The following METTL16 variants were observed in gnomAD, a reference collection of about 807,000 sequenced individuals.
The protein encoded by METTL16 is RNA N(6)-adenosine-methyltransferase METTL16.
In METTL16, 19 loss-of-function variants were observed where a neutral mutation model predicts 57.9. That is an observed-to-expected ratio of 0.33 (90% CI 0.23 to 0.48). METTL16 has a LOEUF of 0.48. Among genes scored for constraint, METTL16 ranks in the 20% least tolerant of loss-of-function variants. METTL16 has a pLI of 0.99. For synonymous variants in METTL16, 246 were observed against 255.6 expected, an observed-to-expected ratio of 0.96 and a Z score of 0.36; for missense variants, 434 against 691.5, an observed-to-expected ratio of 0.63 and a Z score of 4.18.
intron 6 of METTL16, among the ~76,000 whole-genome samples, chr17:2,459,195 T>C (rs566626488): frequency 2.6e-5 from 4 of 152,258 alleles, no homozygotes; most frequent in African/African-American, 9.6e-5. Context: ...CACTTGTAAA[T>C]CCTCATCAAC....
At chr17:2,491,849 T>C (rs1223589545) in intron 2 of METTL16, among the ~76,000 whole-genome samples, 1 of 121,878 alleles carries the variant, frequency 8.2e-6, no homozygotes, top group East Asian at 2.2e-4. Flanking sequence ...CACTCCAGCC[T>C]GGGCGACAGA....
At chr17:2,502,150 T>G (rs2067493508) in intron 2 of METTL16, 54 bp downstream of exon 2, 1 of 1,583,054 alleles carries the variant, frequency 6.3e-7, no homozygotes. Flanking sequence ...TTCTATTACA[T>G]CATATCCATT....
Position 2,417,058 on chromosome 17 carries a change from C to CTTTTTCTTTT in METTL16, c.*2911_*2912insAAAAGAAAAA, listed in dbSNP as rs2066722513. The CTTTTTCTTTT allele has an allele frequency of 1.6e-5, 1 of 61,534 alleles. No homozygotes were observed. The allele number at this position is 61,534 out of a possible 1,614,324, so 3.8% of individuals were successfully genotyped here. ...TGAAAGCTGGCCTGCTCATGGGTTCCTTTTTTTTTTTTTTTTTTTTTTTTT... is the reference window on the plus strand; with the variant it reads ...TGAAAGCTGGCCTGCTCATGGGTTCCTTTTTCTTTTTTTTTTTTTTTTTTTTTTTTTTTTT... On this transcript the variant is annotated 3_prime_UTR_variant, in exon 10 of 10. Transcript: ENST00000263092.
At chr17:2,473,431 T>C (rs1057368701) in intron 4 of METTL16, 93 bp downstream of exon 4, 13 of 1,386,886 alleles carry the variant, frequency 9.4e-6, no homozygotes, top group Non-Finnish European at 1.3e-5. Context: ...ATTACCGAAG[T>C]CTGTGTATTA....
intron 6 of METTL16, among the ~76,000 whole-genome samples, chr17:2,463,705 C>T (rs1314093269): frequency 6.6e-6 from 1 of 151,876 alleles, no homozygotes; most frequent in Non-Finnish European, 1.5e-5. Context: ...TCTGATCTGC[C>T]CACCTCGGCC....
intron 6 of METTL16, among the ~76,000 whole-genome samples, chr17:2,458,892 G>A (rs1302970461): frequency 1.3e-5 from 2 of 150,854 alleles, no homozygotes; most frequent in Non-Finnish European, 2.9e-5. Flanking sequence ...CTGTAGCCTC[G>A]ACCTCCTGGG....
Position 2,438,210 on chromosome 17 carries a change from A to G in METTL16, c.799-12T>C, listed in dbSNP as rs766422033. On this transcript the variant is annotated splice_polypyrimidine_tract_variant and intron_variant, in intron 7 of 9. Coordinates refer to ENST00000263092, the MANE Select transcript of METTL16 (RefSeq NM_024086.4). ...GTTACTTTGGGAACCTGAAACCAACAAAGACAGCATCTCATCAAACTGCAA... is the reference window on the plus strand; with the variant it reads ...GTTACTTTGGGAACCTGAAACCAACGAAGACAGCATCTCATCAAACTGCAA... The G allele has an allele frequency of 6.9e-6, 11 of 1,600,290 alleles. No homozygotes were observed. The South Asian group carries it at 1.1e-4, about 16-fold the overall frequency.
intron 3 of METTL16, among the ~76,000 whole-genome samples, chr17:2,474,851 C>T (rs755016339): frequency 5.3e-5 from 8 of 152,186 alleles, no homozygotes; most frequent in African/African-American, 9.6e-5. Flanking sequence ...ACCTGGGAGG[C>T]GGAGGTTGCA....
chr17:2,437,160 G>T (rs2066914830), intron 8 of METTL16, among the ~76,000 whole-genome samples: 1 of 152,180 alleles, frequency 6.6e-6, no homozygotes, highest in Middle Eastern at 3.2e-3. Context: ...GAGATCACAG[G>T]TGTGAGCCAC....
chr17:2,502,943 C>T (rs1305710590), intron 1 of METTL16, among the ~76,000 whole-genome samples: 3 of 152,032 alleles, frequency 2.0e-5, no homozygotes, highest in Non-Finnish European at 4.4e-5. Context: ...AAAACAGAAA[C>T]AACGAGTGTT....
chr17:2,467,927 A>G (rs754425273), intron 4 of METTL16, 51 bp from the exon 5 acceptor site: 21 of 1,293,764 alleles, frequency 1.6e-5, no homozygotes, highest in Non-Finnish European at 2.4e-5. Flanking sequence ...CAGTGGTTCT[A>G]AAGTATAACC....
chr17:2,508,416 C>T (rs1228210199), intron 1 of METTL16, among the ~76,000 whole-genome samples: 2 of 152,048 alleles, frequency 1.3e-5, no homozygotes, highest in Non-Finnish European at 2.9e-5. Context: ...TTCTACCCAC[C>T]CCAAACTGGT....
At chr17:2,433,050 T>A (rs138837730) in intron 8 of METTL16, among the ~76,000 whole-genome samples, 1 of 152,180 alleles carries the variant, frequency 6.6e-6, no homozygotes, top group Non-Finnish European at 1.5e-5. Flanking sequence ...GTGTAAAGTA[T>A]GCCACAAGGA....
At chr17:2,441,641 G>A (rs763080618) in intron 6 of METTL16, 82 bp from the exon 7 acceptor site, 1 of 796,834 alleles carries the variant, frequency 1.3e-6, no homozygotes, top group Non-Finnish European at 1.8e-6. Context: ...TGAATAAGAT[G>A]AGAACAGTAA....
chr17:2,465,878 A>G (rs2151564329), intron 5 of METTL16, among the ~76,000 whole-genome samples: 1 of 149,456 alleles, frequency 6.7e-6, no homozygotes, highest in Non-Finnish European at 1.5e-5. Flanking sequence ...ACACCCCCCG[A>G]CCTCAAAAAA....
At chr17:2,503,371 A>C (rs1016393150) in intron 1 of METTL16, among the ~76,000 whole-genome samples, 1 of 152,172 alleles carries the variant, frequency 6.6e-6, no homozygotes, top group African/African-American at 2.4e-5. Flanking sequence ...ATGGGTCAAC[A>C]AAATACGGTA....
chr17:2,463,603 AGG>A (rs1567894712), intron 6 of METTL16, among the ~76,000 whole-genome samples: 1 of 151,942 alleles, frequency 6.6e-6, no homozygotes, highest in Non-Finnish European at 1.5e-5. Flanking sequence ...CTGGGACTAC[AGG>A]CACCCACCAC....
rs2066725038 is a variant in METTL16, at chr17:2,417,111, G to A, written c.*2859C>T. The A allele has an allele frequency of 8.4e-6, 1 of 119,398 alleles. No individual in the cohort carries two copies. The highest frequency in any genetic ancestry group is 3.2e-5 in the African/African-American group (1 of 30,858). 7.4% of individuals were successfully genotyped at this position (119,398 alleles called of 1,614,324 possible). Reference sequence around the variant, plus strand: ...GAGACAGTCCCACTTTGTCGCCCAGGCTGTAGTGCAGTGGCATTCTCGGCT... The same window carrying A: ...GAGACAGTCCCACTTTGTCGCCCAGACTGTAGTGCAGTGGCATTCTCGGCT... On this transcript the variant is annotated 3_prime_UTR_variant, in exon 10 of 10. Coordinates refer to ENST00000263092, the MANE Select transcript of METTL16 (RefSeq NM_024086.4).
chr17:2,511,006 A>G (rs2067583176), intron 1 of METTL16, among the ~76,000 whole-genome samples: 1 of 152,152 alleles, frequency 6.6e-6, no homozygotes, highest in South Asian at 2.1e-4. Flanking sequence ...CGCATATCCC[A>G]ACGCCTAAAA....
Sources: allele counts gnomAD v4.1 joint callset (sites outside exome capture counted in the v4.1 genomes callset), GRCh38; gene constraint gnomAD v4.1.1; transcripts MANE v1.5; gene names NCBI Gene and HGNC (gene_info 2026-07-23, HGNC 2026-07-21).